The following DNAL1 variants were observed in gnomAD, a reference collection of about 807,000 sequenced individuals.
DNAL1 encodes the protein dynein axonemal light chain 1, also known as chromosome 14 open reading frame 168.
DNAL1 carries 17 observed loss-of-function variants against 29.4 expected under a neutral mutation model. The observed-to-expected ratio is 0.58, with a 90% CI of 0.40 to 0.87. The LOEUF (loss-of-function observed/expected upper bound fraction) is 0.87, where lower values mean the gene tolerates loss of function less well. Among genes scored for constraint, DNAL1 ranks in the 40% least tolerant of loss-of-function variants. The pLI, the probability that DNAL1 is intolerant of heterozygous loss-of-function variation, is 0.00. For missense variants in DNAL1, 188 were observed against 214.1 expected, an observed-to-expected ratio of 0.88 and a Z score of 0.76; for synonymous variants, 78 against 76.3, an observed-to-expected ratio of 1.02 and a Z score of -0.12.
Position 73,668,137 on chromosome 14 carries a change from C to CA in DNAL1, c.209-3399dup, listed in dbSNP as rs375524425. ...GTCTTTCCCTAACATCATCTCCTATCAAAAAATCAACTGTTCCCAACCTCC... is the reference window on the plus strand; with the variant it reads ...GTCTTTCCCTAACATCATCTCCTATCAAAAAAATCAACTGTTCCCAACCTCC... On this transcript the variant is annotated intron_variant, in intron 4 of 7. Coordinates refer to ENST00000553645, the MANE Select transcript of DNAL1 (RefSeq NM_031427.4). Among the ~76,000 whole-genome samples, 400 of 152,290 alleles carry CA rather than the reference C, an allele frequency of 2.6e-3. 4 individuals carry two copies. The highest frequency in any genetic ancestry group is 9.2e-3 in the African/African-American group (381 of 41,578).
Position 73,677,804 on chromosome 14 carries a change from A to G in DNAL1, c.264+6207A>G, listed in dbSNP as rs543169589. ...GATCTCCTGACCTCGTGATCCGCCCACCTTGGCCTCCCAAAGTGCTGGGAT... is the reference window on the plus strand; with the variant it reads ...GATCTCCTGACCTCGTGATCCGCCCGCCTTGGCCTCCCAAAGTGCTGGGAT... On this transcript the variant is annotated intron_variant, in intron 5 of 7. Transcript: ENST00000553645. 4.3e-3 allele frequency among the ~76,000 whole-genome samples: 640 copies of G among 149,556 alleles called. 2 individuals are homozygous for G. Among genetic ancestry groups the G allele is most frequent in the African/African-American group, 0.014 (582 of 40,752 alleles).
chr14:73,646,209 A>G (rs772756542), intron 1 of DNAL1, among the ~76,000 whole-genome samples: 1 of 152,252 alleles, frequency 6.6e-6, no homozygotes, highest in Non-Finnish European at 1.5e-5. Flanking sequence ...GAAAGTATGA[A>G]CCATGGTGAT....
At chr14:73,662,871 G>A (rs143567431) in intron 4 of DNAL1, among the ~76,000 whole-genome samples, 1 of 148,320 alleles carries the variant, frequency 6.7e-6, no homozygotes, top group African/African-American at 2.5e-5. Context: ...TAGAATGTAA[G>A]TATCTTTGGG....
rs1727954057 is a variant in DNAL1 at position 73,695,929 on chromosome 14, A to C, written c.560A>C (p.Glu187Ala). ...DGTPVIKGDE[E>A]EDN ...ACTCCAGTAATTAAAGGGGATGAGG[A>C]AGAAGACAACTAATGCCACGCTTTC... The change falls in exon 8 of 8, where the codon GAA becomes GCA. Residue 187 changes from glutamate (E) to alanine (A), a missense_variant. By Grantham distance (107) the Glu-to-Ala change is moderately radical (BLOSUM62 -1). Transcript: ENST00000553645. 1 of 1,590,202 alleles carries C rather than the reference A, an allele frequency of 6.3e-7. No individual in the cohort carries two copies. The highest frequency in any genetic ancestry group is 1.3e-5 in the African/African-American group (1 of 74,502).
chr14:73,664,923 TC>T (rs34787465), intron 4 of DNAL1, among the ~76,000 whole-genome samples: 1 of 152,074 alleles, frequency 6.6e-6, no homozygotes, highest in Non-Finnish European at 1.5e-5. Context: ...CTTGAAGACT[TC>T]CCTCATCTCC....
At chr14:73,663,337 C>G (rs1261158559) in intron 4 of DNAL1, among the ~76,000 whole-genome samples, 1 of 151,236 alleles carries the variant, frequency 6.6e-6, no homozygotes, top group Admixed American at 6.6e-5. Flanking sequence ...TCCTGAGTAG[C>G]TGGGATTACA....
At chr14:73,660,734 T>G (rs1212972819) in intron 3 of DNAL1, among the ~76,000 whole-genome samples, 1 of 152,188 alleles carries the variant, frequency 6.6e-6, no homozygotes, top group African/African-American at 2.4e-5. Flanking sequence ...CCACATGCTT[T>G]TTTGGCATCA....
chr14:73,684,871 G>A (rs1038689736), intron 5 of DNAL1, among the ~76,000 whole-genome samples: 5 of 152,290 alleles, frequency 3.3e-5, no homozygotes, highest in South Asian at 4.1e-4. Flanking sequence ...TGCAGCCTGC[G>A]TAACAGATCG....
intron 1 of DNAL1, among the ~76,000 whole-genome samples, chr14:73,652,942 A>G (rs942138366): frequency 3.9e-5 from 6 of 152,140 alleles, no homozygotes; most frequent in Non-Finnish European, 5.9e-5. Flanking sequence ...AATGGTATAT[A>G]TTTGTGAACA....
chr14:73,680,358 T>A (rs545081779), intron 5 of DNAL1, among the ~76,000 whole-genome samples: 1 of 152,280 alleles, frequency 6.6e-6, no homozygotes, highest in South Asian at 2.1e-4. Context: ...AAATATTACA[T>A]TTGTGAATTG....
chr14:73,697,548 G>C lies in DNAL1; in HGVS notation c.*1606G>C, dbSNP rs1337165560. ...ATCTGAGATCAGGAGTTCAAGACCA[G>C]CCTGACCAACATGGTGAAACCCCGT... On this transcript the variant is annotated 3_prime_UTR_variant, in exon 8 of 8. Transcript: ENST00000553645. The C allele has an allele frequency of 6.6e-6, 1 of 152,012 alleles. No individual in the cohort carries two copies. The highest frequency in any genetic ancestry group is 1.5e-5 in the Non-Finnish European group (1 of 68,044). 9.4% of individuals were successfully genotyped at this position (152,012 alleles called of 1,614,324 possible).
intron 5 of DNAL1, among the ~76,000 whole-genome samples, chr14:73,677,390 A>T (rs1891760861): frequency 6.6e-6 from 1 of 150,778 alleles, no homozygotes. Flanking sequence ...GGCTGAACTC[A>T]AACTCCTGGG....
chr14:73,702,705 C>T lies in DNAL1; in HGVS notation c.*6763C>T, dbSNP rs1377980852. On this transcript the variant is annotated 3_prime_UTR_variant, in exon 8 of 8. Transcript: ENST00000553645. ...AATATCCGTAACATTACACATTTTG[C>T]CAGCACATTTTCTATGCTATCAGCT... 1 of 152,126 alleles carries T rather than the reference C, an allele frequency of 6.6e-6. No homozygotes were observed. Among genetic ancestry groups the T allele is most frequent in the Non-Finnish European group, 1.5e-5 (1 of 68,034 alleles). The allele number at this position is 152,126 out of a possible 1,614,324, so 9.4% of individuals were successfully genotyped here.
intron 5 of DNAL1, among the ~76,000 whole-genome samples, chr14:73,682,866 G>GTTTTTTT (rs1566889194): frequency 1.8e-5 from 2 of 113,810 alleles, no homozygotes; most frequent in African/African-American, 7.4e-5. Context: ...CTGTTTTATA[G>GTTTTTTT]TTATTTTTTT....
chr14:73,667,806 A>G (rs1891523835), intron 4 of DNAL1, among the ~76,000 whole-genome samples: 1 of 152,138 alleles, frequency 6.6e-6, no homozygotes, highest in African/African-American at 2.4e-5. Flanking sequence ...GCTGAGCCAT[A>G]TTTATCTCAG....
intron 5 of DNAL1, among the ~76,000 whole-genome samples, chr14:73,681,633 A>AAAAT (rs1555402645): frequency 8.5e-5 from 3 of 35,416 alleles, no homozygotes; most frequent in African/African-American, 6.5e-4. Flanking sequence ...AAAAAAAAAA[A>AAAAT]ATATATATAT....
intron 4 of DNAL1, 62 bp from the exon 5 acceptor site, chr14:73,671,480 G>T: frequency 7.4e-7 from 1 of 1,345,174 alleles, no homozygotes; most frequent in Non-Finnish European, 9.7e-7. Context: ...TATTATTCTA[G>T]ATTTACAACA....
chr14:73,684,768 C>T (rs1595222504), intron 5 of DNAL1, among the ~76,000 whole-genome samples: 1 of 152,106 alleles, frequency 6.6e-6, no homozygotes, highest in African/African-American at 2.4e-5. Context: ...AGCATGGTGG[C>T]ACGTGCCTGT....
At position 73,671,593 on chromosome 14, in the gene DNAL1, G is replaced by A; in HGVS notation, c.260G>A (p.Gly87Glu). The A allele has an allele frequency of 6.8e-7, 1 of 1,474,858 alleles. No individual in the cohort carries two copies. Among genetic ancestry groups the A allele is most frequent in the Non-Finnish European group, 9.0e-7 (1 of 1,105,026 alleles). The allele number at this position is 1,474,858 out of a possible 1,614,324, so 91.4% of individuals were successfully genotyped here. A position where few individuals can be genotyped will look rare whatever the true frequency, so the allele number is the denominator to read the frequency against. ...AGAAACAACATAAAGAACTTAAATG[G>A]ACTGGTAGGTTGTTATTTATTATTA... ...LGRNNIKNLN[G>E]LEAVGDTLEE... The change falls in exon 5 of 8, where the codon GGA becomes GAA. Residue 87 changes from glycine to glutamate, a missense_variant. Physicochemically the swap from Gly to Glu is moderately conservative, Grantham distance 98. Transcript: ENST00000553645.
Sources: gnomAD v4.1 joint callset for allele counts (sites outside exome capture counted in the v4.1 genomes callset) on GRCh38, gnomAD v4.1.1 for gene constraint, MANE v1.5 for transcripts, NCBI Gene and HGNC (gene_info 2026-07-23, HGNC 2026-07-21) for gene names.